The following DLC1 variants were observed in gnomAD, a reference collection of about 807,000 sequenced individuals.
DLC1 encodes DLC1 Rho GTPase activating protein, also known as rho GTPase-activating protein 7.
Under a neutral mutation model 140.3 loss-of-function variants are expected in DLC1, and 54 were observed. The observed-to-expected ratio is 0.38, with a 90% confidence interval of 0.31 to 0.48. The LOEUF (loss-of-function observed/expected upper bound fraction) is 0.48. Ranked by LOEUF, DLC1 falls within the 20% of genes least tolerant of loss-of-function variation. DLC1 has a pLI of 0.96. For missense variants in DLC1, 2,536 were observed against 1,907.0 expected, an observed-to-expected ratio of 1.33 and a Z score of -6.14; for synonymous variants, 986 against 728.1, an observed-to-expected ratio of 1.35 and a Z score of -5.70.
At chr8:13,368,592 T>C (rs1835598302) in intron 4 of DLC1, among the ~76,000 whole-genome samples, 1 of 152,026 alleles carries the variant, frequency 6.6e-6, no homozygotes. Context: ...CAGAGAGAAT[T>C]TTCCATTTGA....
chr8:13,322,533 A>G (rs1833167102), intron 4 of DLC1, among the ~76,000 whole-genome samples: 1 of 152,186 alleles, frequency 6.6e-6, no homozygotes, highest in Admixed American at 6.5e-5. Flanking sequence ...CTGGGTATCT[A>G]GAGACCTCAG....
chr8:13,597,366 A>G (rs775338604), intron 1 of DLC1, among the ~76,000 whole-genome samples: 2 of 152,052 alleles, frequency 1.3e-5, no homozygotes, highest in East Asian at 1.9e-4. Flanking sequence ...TTCTTACAAC[A>G]GTTTGCCATC....
rs574278022 is a variant in DLC1 at position 13,594,441 on chromosome 8, C to A, written c.-126+10096G>T. Among the ~76,000 whole-genome samples, 4 of 152,206 alleles carry A rather than the reference C, an allele frequency of 2.6e-5. 1 individual carries two copies. In the South Asian group the frequency reaches 8.3e-4, roughly 32 times the overall value. ...AATTCCTTGCTTCTGTTACTACTAT[C>A]TATCCTCATTTTATTGGATTCTCCC... On this transcript the variant is annotated intron_variant, in intron 1 of 1. Coordinates refer to the DLC1 transcript ENST00000631382.
upstream of DLC1, among the ~76,000 whole-genome samples, chr8:13,519,034 C>A (rs1361783640): frequency 6.6e-6 from 1 of 151,894 alleles, no homozygotes; most frequent in Non-Finnish European, 1.5e-5. Flanking sequence ...GGTACATGTG[C>A]ACAACATGCA....
chr8:13,577,060 G>A (rs1254617921), intron 1 of DLC1, among the ~76,000 whole-genome samples: 1 of 152,152 alleles, frequency 6.6e-6, no homozygotes, highest in African/African-American at 2.4e-5. Flanking sequence ...TCACAGGTGG[G>A]ACGATGGCGT....
intron 5 of DLC1, among the ~76,000 whole-genome samples, chr8:13,158,494 G>C (rs755486806): frequency 2.6e-5 from 4 of 152,130 alleles, no homozygotes; most frequent in Non-Finnish European, 5.9e-5. Flanking sequence ...CAAGGCTGGC[G>C]AGAGGTTCTG....
At chr8:13,199,182 T>C (rs201763957) in intron 5 of DLC1, among the ~76,000 whole-genome samples, 49 of 39,394 alleles carry the variant, frequency 1.2e-3, no homozygotes, top group Admixed American at 5.7e-3. Context: ...TTTTTCTTTT[T>C]TTTTTTTTTT....
chr8:13,253,230 T>C (rs755198893), intron 5 of DLC1, among the ~76,000 whole-genome samples: 22 of 152,232 alleles, frequency 1.4e-4, no homozygotes, highest in Non-Finnish European at 2.8e-4. Context: ...ATTTTGTAGA[T>C]AAATTAATAG....
chr8:13,238,868 A>T (rs192331105), intron 5 of DLC1, among the ~76,000 whole-genome samples: 1 of 152,310 alleles, frequency 6.6e-6, no homozygotes, highest in Admixed American at 6.5e-5. Context: ...CCTGGGAACA[A>T]TCAGAAGCTG....
At chr8:13,579,473 T>TTATATTATATATTTAATACATTATATTA (rs1804996407) in intron 1 of DLC1, among the ~76,000 whole-genome samples, 1 of 96,890 alleles carries the variant, frequency 1.0e-5, no homozygotes, top group Non-Finnish European at 1.9e-5. Flanking sequence ...ACATTATATT[T>TTATATTATATATTTAATACATTATATTA]TATATTATAT....
intron 5 of DLC1, among the ~76,000 whole-genome samples, chr8:13,230,597 C>CTT (rs548424340): frequency 8.1e-4 from 108 of 133,682 alleles, no homozygotes; most frequent in African/African-American, 2.5e-3. Context: ...TTTCTTTTTT[C>CTT]TTTTTTTTTT....
upstream of DLC1, among the ~76,000 whole-genome samples, chr8:13,516,619 G>T (rs568038658): frequency 1.3e-5 from 2 of 152,300 alleles, no homozygotes; most frequent in Non-Finnish European, 2.9e-5. Context: ...CGTTTGGTCA[G>T]AAGCAGCTTT....
chr8:13,133,245 C>T (rs1379796117), intron 5 of DLC1: 1 of 1,381,874 alleles, frequency 7.2e-7, no homozygotes, highest in African/African-American at 1.5e-5. Flanking sequence ...CGGCCATGTC[C>T]TGGCTGGGAG....
At position 13,371,282 on chromosome 8, in the gene DLC1, C is replaced by G. The variant is rs77654844; in HGVS notation, c.1314+22271G>C. The stretch of plus-strand genomic sequence containing the variant: ...TTTTGTCCCTGGATTTCCAGAACAG[C>G]CTTCAAAATTGTCTCCCTCCCTAAA... On this transcript the variant is annotated intron_variant, in intron 4 of 17. Coordinates refer to ENST00000276297, the MANE Select transcript of DLC1 (RefSeq NM_182643.3). Among the ~76,000 whole-genome samples the G allele has an allele frequency of 9.6e-3, 1,461 of 152,222 alleles. 21 individuals are homozygous for G. The highest frequency in any genetic ancestry group is 0.033 in the African/African-American group (1,380 of 41,544).
intron 4 of DLC1, among the ~76,000 whole-genome samples, chr8:13,369,607 A>T (rs1467155900): frequency 6.6e-6 from 1 of 152,100 alleles, no homozygotes; most frequent in Non-Finnish European, 1.5e-5. Context: ...TCTCTTATGG[A>T]CAATGTTCAA....
At chr8:13,388,473 A>C (rs1411978328) in intron 4 of DLC1, among the ~76,000 whole-genome samples, 1 of 151,962 alleles carries the variant, frequency 6.6e-6, no homozygotes, top group Non-Finnish European at 1.5e-5. Flanking sequence ...GTTTATCCTG[A>C]GAAAGTTTTA....
chr8:13,380,491 C>T (rs1257605842), intron 4 of DLC1, among the ~76,000 whole-genome samples: 1 of 152,136 alleles, frequency 6.6e-6, no homozygotes, highest in Admixed American at 6.5e-5. Context: ...TTTATCAGGA[C>T]AAATTAAGGA....
intron 2 of DLC1, among the ~76,000 whole-genome samples, chr8:13,453,434 A>T (rs1297615903): frequency 7.1e-4 from 21 of 29,540 alleles, no homozygotes; most frequent in South Asian, 1.0e-3. Context: ...GTGTATATAT[A>T]TATGTATATA....
At chr8:13,289,074 C>A (rs1481049783) in intron 5 of DLC1, among the ~76,000 whole-genome samples, 1 of 152,164 alleles carries the variant, frequency 6.6e-6, no homozygotes, top group Non-Finnish European at 1.5e-5. Context: ...ACTCCTGTGA[C>A]CTGTTCCTTT....
Sources: gnomAD v4.1 joint callset for allele counts (sites outside exome capture counted in the v4.1 genomes callset) on GRCh38, gnomAD v4.1.1 for gene constraint, MANE v1.5 for transcripts, NCBI Gene and HGNC (gene_info 2026-07-23, HGNC 2026-07-21) for gene names.